SH3GL2: variants seen among roughly 807,000 people sequenced by gnomAD.
SH3GL2 encodes endophilin-A1.
SH3GL2 carries 24 observed loss-of-function variants against 46.0 expected under a neutral mutation model. The observed-to-expected ratio is 0.52, with a 90% CI of 0.38 to 0.73. SH3GL2 has a LOEUF of 0.73. SH3GL2 is among the 30% of genes least tolerant of loss of function. The pLI is 0.00. For synonymous variants in SH3GL2, 196 were observed against 147.1 expected (o/e 1.33, Z -2.40); for missense variants, 413 against 424.2 (o/e 0.97, Z 0.23).
intron 2 of SH3GL2, among the ~76,000 whole-genome samples, chr9:17,759,354 T>C: frequency 6.6e-6 from 1 of 152,202 alleles, no homozygotes; most frequent in East Asian, 1.9e-4. Flanking sequence ...TGATGCTGTT[T>C]CACCGGCTAC....
intron 1 of SH3GL2, among the ~76,000 whole-genome samples, chr9:17,656,492 T>C (rs1352848592): frequency 6.6e-6 from 1 of 152,116 alleles, no homozygotes; most frequent in Non-Finnish European, 1.5e-5. Flanking sequence ...TGCCTGTAGT[T>C]CCTTGATGAA....
intron 1 of SH3GL2, chr9:17,735,697 A>ATTG: frequency 1.2e-6 from 1 of 828,440 alleles, no homozygotes; most frequent in South Asian, 5.6e-5. Context: ...GCATACACTG[A>ATTG]GGGACAACTC....
intron 1 of SH3GL2, among the ~76,000 whole-genome samples, chr9:17,695,583 C>T (rs1821182238): frequency 1.3e-5 from 2 of 151,744 alleles, no homozygotes; most frequent in Admixed American, 6.5e-5. Flanking sequence ...TATCTGCACT[C>T]CCTCTGTGCT....
intron 1 of SH3GL2, among the ~76,000 whole-genome samples, chr9:17,724,375 A>C (rs551473256): frequency 6.8e-4 from 104 of 152,222 alleles, no homozygotes; most frequent in African/African-American, 2.4e-3. Flanking sequence ...TTGATAAGAC[A>C]TTGTCATCAT....
intron 5 of SH3GL2, among the ~76,000 whole-genome samples, chr9:17,788,109 T>TA (rs1294537634): frequency 1.3e-5 from 2 of 152,192 alleles, no homozygotes; most frequent in East Asian, 3.9e-4. Flanking sequence ...CACTTTTTTT[T>TA]ATCTAACAAA....
intron 3 of SH3GL2, among the ~76,000 whole-genome samples, chr9:17,780,572 T>C (rs1467879823): frequency 1.6e-4 from 22 of 137,736 alleles, no homozygotes; most frequent in African/African-American, 6.1e-4. Flanking sequence ...GCTGGTGCGC[T>C]GCACCCACTA....
At chr9:17,655,410 G>A (rs552481845) in intron 1 of SH3GL2, among the ~76,000 whole-genome samples, 28 of 152,208 alleles carry the variant, frequency 1.8e-4, no homozygotes, top group African/African-American at 6.7e-4. Context: ...ATATAGCTTG[G>A]GAAGTGATGA....
At chr9:17,642,153 G>C (rs1053109444) in intron 1 of SH3GL2, among the ~76,000 whole-genome samples, 2 of 152,054 alleles carry the variant, frequency 1.3e-5, no homozygotes, top group African/African-American at 4.8e-5. Context: ...TGCATAAATG[G>C]CTTCTCTTGA....
chr9:17,729,452 C>G (rs1267033982), intron 1 of SH3GL2, among the ~76,000 whole-genome samples: 1 of 152,162 alleles, frequency 6.6e-6, no homozygotes, highest in Non-Finnish European at 1.5e-5. Flanking sequence ...TCTACAGAAG[C>G]TCTTCAGTTT....
rs535215597 is a variant in SH3GL2, at chr9:17,638,530, A to C, written c.45+59243A>C. On this transcript the variant is annotated intron_variant, in intron 1 of 8. Transcript: ENST00000380607. ...GAAGACTGGTTGGGAGTGATAGAAAATTATTTTGGATAGAGTGGTGAGAGA... is the reference window on the plus strand; with the variant it reads ...GAAGACTGGTTGGGAGTGATAGAAACTTATTTTGGATAGAGTGGTGAGAGA... Among the ~76,000 whole-genome samples, 55 of 152,316 alleles carry C rather than the reference A, an allele frequency of 3.6e-4. 1 individual carries two copies. In the Middle Eastern group the frequency reaches 0.01, roughly 28 times the overall value.
At chr9:17,786,793 C>G (rs1182078367) in intron 4 of SH3GL2, among the ~76,000 whole-genome samples, 4 of 152,010 alleles carry the variant, frequency 2.6e-5, no homozygotes, top group Non-Finnish European at 5.9e-5. Context: ...CTCCTTGGCA[C>G]TTTCTATTGG....
At chr9:17,768,766 G>C (rs1252630439) in intron 3 of SH3GL2, among the ~76,000 whole-genome samples, 1 of 152,116 alleles carries the variant, frequency 6.6e-6, no homozygotes, top group Non-Finnish European at 1.5e-5. Flanking sequence ...TCTCGACTCT[G>C]AGTGGTGTCT....
At chr9:17,795,455 C>T (rs1824247349) in intron 8 of SH3GL2, 89 bp from the exon 9 acceptor site, 2 of 987,766 alleles carry the variant, frequency 2.0e-6, no homozygotes. Flanking sequence ...GAGCAGCAAG[C>T]CAGGTGGGTA....
chr9:17,727,057 C>G (rs957879980), intron 1 of SH3GL2, among the ~76,000 whole-genome samples: 4 of 152,046 alleles, frequency 2.6e-5, no homozygotes, highest in African/African-American at 9.6e-5. Context: ...ATAAAACAAC[C>G]CAAATAGGTA....
chr9:17,636,058 G>A (rs1379103015), intron 1 of SH3GL2, among the ~76,000 whole-genome samples: 1 of 152,138 alleles, frequency 6.6e-6, no homozygotes, highest in Admixed American at 6.5e-5. Context: ...TCTTATATCT[G>A]CTTGCCATGC....
At chr9:17,665,284 A>G (rs10810818) in intron 1 of SH3GL2, among the ~76,000 whole-genome samples, 57,867 of 152,000 alleles carry the variant, frequency 0.38, 11,971 homozygotes, top group South Asian at 0.58. Flanking sequence ...AGTTGTCCCA[A>G]TAATAACTTT....
intron 1 of SH3GL2, among the ~76,000 whole-genome samples, chr9:17,587,919 A>C (rs749826293): frequency 2.6e-5 from 4 of 151,994 alleles, no homozygotes; most frequent in African/African-American, 4.8e-5. Context: ...AAACCAGAAA[A>C]ACTTCAACTT....
chr9:17,595,132 C>G (rs763036552), intron 1 of SH3GL2, among the ~76,000 whole-genome samples: 4 of 152,142 alleles, frequency 2.6e-5, no homozygotes, highest in Non-Finnish European at 4.4e-5. Context: ...GGTGGTTACA[C>G]AGCTTCAGTG....
chr9:17,682,365 A>G (rs1820794371), intron 1 of SH3GL2, among the ~76,000 whole-genome samples: 1 of 152,226 alleles, frequency 6.6e-6, no homozygotes, highest in Non-Finnish European at 1.5e-5. Flanking sequence ...TACACCATGG[A>G]ATACTATGCA....
Sources: gnomAD v4.1 joint callset for allele counts (sites outside exome capture counted in the v4.1 genomes callset) on GRCh38, gnomAD v4.1.1 for gene constraint, MANE v1.5 for transcripts, NCBI Gene and HGNC (gene_info 2026-07-23, HGNC 2026-07-21) for gene names.